NCAM2: variants seen among roughly 807,000 people sequenced by gnomAD.
NCAM2 encodes the protein neural cell adhesion molecule 2, also known as N-CAM-2.
Under a neutral mutation model 98.1 loss-of-function variants are expected in NCAM2, and 30 were observed. That is an observed-to-expected ratio of 0.31 (90% CI 0.23 to 0.41). The LOEUF (loss-of-function observed/expected upper bound fraction) is 0.41, where lower values mean the gene tolerates loss of function less well. Ranked by LOEUF, NCAM2 falls within the 10% of genes least tolerant of loss-of-function variation. NCAM2 has a pLI of 1.00. For synonymous variants in NCAM2, 368 were observed against 342.4 expected (o/e 1.07, Z -0.83); for missense variants, 867 against 1,005.8 (o/e 0.86, Z 1.87).
intron 15 of NCAM2, among the ~76,000 whole-genome samples, chr21:21,504,569 C>A (rs1435209958): frequency 1.3e-5 from 2 of 151,574 alleles, no homozygotes; most frequent in African/African-American, 4.8e-5. Flanking sequence ...TGTGAAACGT[C>A]CAGAGTACAA....
At chr21:21,133,875 G>C (rs867765840) in intron 1 of NCAM2, among the ~76,000 whole-genome samples, 14 of 152,250 alleles carry the variant, frequency 9.2e-5, no homozygotes, top group Non-Finnish European at 1.5e-4. Context: ...CCATCAGAAA[G>C]GGGAGAAAGT....
At chr21:21,364,642 A>G (rs551330799) in intron 8 of NCAM2, among the ~76,000 whole-genome samples, 1 of 152,154 alleles carries the variant, frequency 6.6e-6, no homozygotes, top group African/African-American at 2.4e-5. Flanking sequence ...ATACGTATAC[A>G]TAAATATGTA....
chr21:21,401,987 T>A (rs561234137), intron 9 of NCAM2, among the ~76,000 whole-genome samples: 120 of 152,298 alleles, frequency 7.9e-4, no homozygotes, highest in African/African-American at 2.7e-3. Flanking sequence ...CTCTTAATCC[T>A]GTTATCTTCG....
chr21:21,250,669 C>T (rs975785170), intron 1 of NCAM2, among the ~76,000 whole-genome samples: 8 of 152,012 alleles, frequency 5.3e-5, no homozygotes, highest in Non-Finnish European at 7.4e-5. Context: ...TAAAAAACAA[C>T]GTTGTGGGAC....
At chr21:21,107,580 G>T (rs2066374653) in intron 1 of NCAM2, among the ~76,000 whole-genome samples, 2 of 151,818 alleles carry the variant, frequency 1.3e-5, no homozygotes, top group East Asian at 3.9e-4. Flanking sequence ...AAATATAATT[G>T]TGATCTTAAT....
intron 11 of NCAM2, 35 bp downstream of exon 11, chr21:21,418,604 C>A: frequency 7.1e-7 from 1 of 1,409,198 alleles, no homozygotes; most frequent in Non-Finnish European, 1.0e-6. Flanking sequence ...AGATCGCACA[C>A]AATATTTCTG....
At position 21,541,838 on chromosome 21, in the gene NCAM2, A is replaced by T. The variant is rs931625647; in HGVS notation, c.*3881A>T. On this transcript the variant is annotated 3_prime_UTR_variant, in exon 18 of 18. Coordinates refer to ENST00000400546, the MANE Select transcript of NCAM2 (RefSeq NM_004540.5). ...CCCCATGAAGTTTTTTCATGCTCAT[A>T]CTCATAATCATTATCACATAATGTG... is the stretch of plus-strand genomic sequence containing the variant. The T allele has an allele frequency of 2.6e-5, 4 of 151,744 alleles. No homozygotes were observed. Among genetic ancestry groups the T allele is most frequent in the Non-Finnish European group, 1.5e-5 (1 of 67,776 alleles). 9.4% of individuals were successfully genotyped at this position (151,744 alleles called of 1,614,324 possible). A position where few individuals can be genotyped will look rare whatever the true frequency, so the allele number is the denominator to read the frequency against.
intron 1 of NCAM2, among the ~76,000 whole-genome samples, chr21:21,265,415 T>A (rs1205870707): frequency 9.4e-6 from 1 of 106,082 alleles, no homozygotes. Context: ...TATGTGTATA[T>A]ATAATATATG....
chr21:21,321,430 G>C (rs1054247351), intron 5 of NCAM2, among the ~76,000 whole-genome samples: 3 of 151,828 alleles, frequency 2.0e-5, no homozygotes, highest in Non-Finnish European at 4.4e-5. Context: ...GGTCCCACTC[G>C]TCAATTTTTG....
intron 15 of NCAM2, among the ~76,000 whole-genome samples, chr21:21,490,319 T>C (rs1050689122): frequency 6.6e-6 from 1 of 152,028 alleles, no homozygotes; most frequent in Non-Finnish European, 1.5e-5. Context: ...TCTCCTTTGT[T>C]GGTAGACTAT....
At chr21:21,294,371 A>C (rs1159563398) in intron 5 of NCAM2, among the ~76,000 whole-genome samples, 1 of 151,808 alleles carries the variant, frequency 6.6e-6, no homozygotes, top group African/African-American at 2.4e-5. Context: ...TAAGGAGACA[A>C]ATATAGGAAT....
intron 1 of NCAM2, among the ~76,000 whole-genome samples, chr21:21,136,446 A>G (rs2067051831): frequency 6.8e-6 from 1 of 146,682 alleles, no homozygotes; most frequent in Non-Finnish European, 1.5e-5. Flanking sequence ...GCTAAATTGT[A>G]CTCTACTCAA....
At chr21:21,184,826 G>T (rs2068587095) in intron 1 of NCAM2, among the ~76,000 whole-genome samples, 1 of 152,098 alleles carries the variant, frequency 6.6e-6, no homozygotes, top group Non-Finnish European at 1.5e-5. Context: ...TCTAGGAAGA[G>T]AAAATGAATT....
intron 8 of NCAM2, among the ~76,000 whole-genome samples, chr21:21,372,962 C>T (rs776563569): frequency 2.4e-4 from 36 of 151,696 alleles, no homozygotes; most frequent in Admixed American, 2.2e-3. Context: ...GAAATAATTA[C>T]GTTTCCTTTA....
chr21:21,440,078 C>T (rs1243621143), intron 12 of NCAM2, among the ~76,000 whole-genome samples: 1 of 152,148 alleles, frequency 6.6e-6, no homozygotes, highest in African/African-American at 2.4e-5. Context: ...GTATATTTGG[C>T]TCAACAAACT....
intron 5 of NCAM2, among the ~76,000 whole-genome samples, chr21:21,294,026 T>C (rs573658017): frequency 6.6e-6 from 1 of 151,680 alleles, no homozygotes; most frequent in Non-Finnish European, 1.5e-5. Context: ...CCAGCAGGCA[T>C]AGTAACCCTT....
At chr21:21,050,262 T>C (rs1442980068) in intron 1 of NCAM2, among the ~76,000 whole-genome samples, 2 of 152,214 alleles carry the variant, frequency 1.3e-5, no homozygotes, top group Non-Finnish European at 2.9e-5. Flanking sequence ...TTCTTAAGGA[T>C]GCACTGGAGA....
intron 1 of NCAM2, among the ~76,000 whole-genome samples, chr21:21,220,398 G>A (rs377467347): frequency 3.6e-4 from 55 of 152,098 alleles, no homozygotes; most frequent in African/African-American, 1.2e-3. Flanking sequence ...GTAGTATTCC[G>A]TACAATAATA....
At chr21:21,354,818 C>A (rs2826810) in intron 8 of NCAM2, among the ~76,000 whole-genome samples, 110,001 of 148,130 alleles carry the variant, frequency 0.74, 40,171 homozygotes, top group Middle Eastern at 0.82. Flanking sequence ...AACTCATTTA[C>A]TTCCAGTCCT....
Sources: gnomAD v4.1 joint callset for allele counts (sites outside exome capture counted in the v4.1 genomes callset) on GRCh38, gnomAD v4.1.1 for gene constraint, MANE v1.5 for transcripts, NCBI Gene and HGNC (gene_info 2026-07-23, HGNC 2026-07-21) for gene names.